TMEM266: variants seen among roughly 807,000 people sequenced by gnomAD.
TMEM266 encodes the protein Hv1 related protein 1.
A neutral mutation model predicts 50.5 loss-of-function variants in TMEM266; 33 were observed. That is an observed-to-expected ratio of 0.65 (90% CI 0.50 to 0.87). The LOEUF (loss-of-function observed/expected upper bound fraction) is 0.87. TMEM266 is among the 40% of genes least tolerant of loss of function. The probability of loss-of-function intolerance (pLI) is 0.00; values close to 1 mark genes in which losing one functional copy is unlikely to be tolerated. For missense variants in TMEM266, 655 were observed against 695.1 expected, an observed-to-expected ratio of 0.94 and a Z score of 0.65; for synonymous variants, 310 against 292.3, an observed-to-expected ratio of 1.06 and a Z score of -0.62.
At chr15:76,177,510 T>A (rs2142067108) in intron 8 of TMEM266, among the ~76,000 whole-genome samples, 1 of 152,376 alleles carries the variant, frequency 6.6e-6, no homozygotes, top group East Asian at 1.9e-4. Context: ...CCCCTCGGAA[T>A]GTCTGTCAGG....
Position 76,132,813 on chromosome 15 carries a change from AATTATT to A in TMEM266, c.-96-1323_-96-1318del, listed in dbSNP as rs58869632. 2.1e-3 allele frequency among the ~76,000 whole-genome samples: 287 copies of A among 135,012 alleles called. 2 individuals are homozygous for A. The highest frequency in any genetic ancestry group is 4.9e-3 in the African/African-American group (179 of 36,686). 88.6% of individuals were successfully genotyped at this position (135,012 alleles called of 152,430 possible). On this transcript the variant is annotated intron_variant, in intron 1 of 10. Transcript: ENST00000388942. Reference sequence around the variant, plus strand: ...CTGTCTCTCAAATAATAATAATAGTAATTATTATTATTATTATTATTATTATTATTA... The same window carrying A: ...CTGTCTCTCAAATAATAATAATAGTAATTATTATTATTATTATTATTATTA...
intron 1 of TMEM266, among the ~76,000 whole-genome samples, chr15:76,125,876 G>C (rs1356338166): frequency 6.6e-6 from 1 of 151,238 alleles, no homozygotes; most frequent in African/African-American, 2.4e-5. Flanking sequence ...GCAGTGGGGG[G>C]GATGGGGATG....
chr15:76,063,294 G>A (rs531021783), intron 1 of TMEM266, among the ~76,000 whole-genome samples: 1 of 152,206 alleles, frequency 6.6e-6, no homozygotes, highest in East Asian at 1.9e-4. Context: ...ATGACCTAAG[G>A]GGCAGAGCCA....
Position 76,204,162 on chromosome 15 carries a change from G to GGTAA in TMEM266, c.1446_1449dup (p.Leu484LysfsTer48). 3 of 1,613,658 alleles carry GGTAA rather than the reference G, an allele frequency of 1.9e-6. No homozygotes were observed. The highest frequency in any genetic ancestry group is 8.5e-7 in the Non-Finnish European group (1 of 1,179,998). On this transcript the variant is annotated frameshift_variant, in exon 11 of 11. Coordinates refer to ENST00000388942, the MANE Select transcript of TMEM266 (RefSeq NM_152335.3). LOFTEE classifies it high-confidence loss of function. ...AAACCAGCCCCGAGCTGGAACACAG[G>GGTAA]GTAAGTCTGTTCAACCAGAAGAACC...
At chr15:76,170,062 CT>C (rs1193718080) in intron 6 of TMEM266, among the ~76,000 whole-genome samples, 190 bp downstream of exon 6, 1 of 152,112 alleles carries the variant, frequency 6.6e-6, no homozygotes, top group Non-Finnish European at 1.5e-5. Context: ...AAGGAATGTT[CT>C]GAAACATTCA....
At chr15:76,135,965 TAG>T (rs1179094405) in intron 2 of TMEM266, among the ~76,000 whole-genome samples, 1 of 151,206 alleles carries the variant, frequency 6.6e-6, no homozygotes, top group Non-Finnish European at 1.5e-5. Context: ...TCTTTTGAGA[TAG>T]AGTTTCACTC....
intron 1 of TMEM266, among the ~76,000 whole-genome samples, chr15:76,081,282 C>T (rs954399282): frequency 6.6e-6 from 1 of 152,226 alleles, no homozygotes; most frequent in Non-Finnish European, 1.5e-5. Flanking sequence ...CTGTGATGCA[C>T]TCTGGTATTC....
intron 1 of TMEM266, among the ~76,000 whole-genome samples, chr15:76,124,412 G>C (rs559900570): frequency 6.6e-6 from 1 of 152,092 alleles, no homozygotes; most frequent in Non-Finnish European, 1.5e-5. Flanking sequence ...TAAGTAGAAC[G>C]ATATCCTATG....
chr15:76,133,823 C>T (rs917934053), intron 1 of TMEM266, among the ~76,000 whole-genome samples: 1 of 152,200 alleles, frequency 6.6e-6, no homozygotes, highest in East Asian at 1.9e-4. Context: ...TATTTTGAAG[C>T]CTCTCAAAGC....
intron 1 of TMEM266, among the ~76,000 whole-genome samples, chr15:76,107,034 G>A (rs1180605291): frequency 1.3e-5 from 2 of 152,182 alleles, no homozygotes; most frequent in African/African-American, 4.8e-5. Context: ...AGTAGAGTAT[G>A]CTTTTGTTTC....
chr15:76,065,860 G>A (rs1171421613), intron 1 of TMEM266, among the ~76,000 whole-genome samples: 1 of 152,058 alleles, frequency 6.6e-6, no homozygotes, highest in Non-Finnish European at 1.5e-5. Flanking sequence ...TCCCCAGTGT[G>A]CGTCCACTTC....
At chr15:76,137,619 A>G in intron 2 of TMEM266, 88 bp from the exon 3 acceptor site, 1 of 1,325,092 alleles carries the variant, frequency 7.5e-7, no homozygotes, top group Non-Finnish European at 1.1e-6. Context: ...CTGGCATAGC[A>G]GCATTCTCCC....
intron 1 of TMEM266, among the ~76,000 whole-genome samples, chr15:76,102,573 T>C (rs1266480872): frequency 6.6e-6 from 1 of 152,096 alleles, no homozygotes; most frequent in African/African-American, 2.4e-5. Flanking sequence ...GTGCGGTGGC[T>C]CATGCCTGTA....
Position 76,170,984 on chromosome 15 carries a change from C to T in TMEM266, c.514-9C>T. ...GGCCCAGGGCACTGAAATGGGCCTCCTCTCACAGGTGTTTGACGGGGCTGT... is the reference window on the plus strand; with the variant it reads ...GGCCCAGGGCACTGAAATGGGCCTCTTCTCACAGGTGTTTGACGGGGCTGT... On this transcript the variant is annotated splice_polypyrimidine_tract_variant and intron_variant, in intron 6 of 10. Coordinates refer to ENST00000388942, the MANE Select transcript of TMEM266 (RefSeq NM_152335.3). 3 of 1,610,050 alleles carry T rather than the reference C, an allele frequency of 1.9e-6. No individual in the cohort carries two copies. Among genetic ancestry groups the T allele is most frequent in the Non-Finnish European group, 2.5e-6 (3 of 1,178,282 alleles).
At chr15:76,067,839 A>G (rs1036274427) in intron 1 of TMEM266, among the ~76,000 whole-genome samples, 1 of 152,034 alleles carries the variant, frequency 6.6e-6, no homozygotes, top group African/African-American at 2.4e-5. Context: ...AAGTATATCA[A>G]ACCAAAAATA....
intron 1 of TMEM266, among the ~76,000 whole-genome samples, chr15:76,078,070 C>A (rs981270724): frequency 6.6e-6 from 1 of 152,012 alleles, no homozygotes; most frequent in South Asian, 2.1e-4. Flanking sequence ...GGTAGTGGGG[C>A]AGTTGACCTG....
intron 9 of TMEM266, among the ~76,000 whole-genome samples, chr15:76,199,292 A>G (rs897432719): frequency 2.4e-4 from 37 of 152,346 alleles, no homozygotes; most frequent in African/African-American, 8.7e-4. Context: ...ACGGTCGGCC[A>G]GACCAGTCCG....
Position 76,156,544 on chromosome 15 carries a change from G to T in TMEM266, c.228-60G>T, listed in dbSNP as rs923264676. The T allele has an allele frequency of 5.1e-6, 8 of 1,577,260 alleles. No individual in the cohort carries two copies. In the African/African-American group the frequency reaches 6.8e-5, roughly 13 times the overall value. On this transcript the variant is annotated intron_variant, in intron 3 of 10. Coordinates refer to ENST00000388942, the MANE Select transcript of TMEM266 (RefSeq NM_152335.3). ...GTTTGAGAGCAGGGCTTTGGCCGGG[G>T]TCCACCCTCTTGTCCCCTCCCACTC...
chr15:76,060,617 G>A (rs576854795), intron 1 of TMEM266, among the ~76,000 whole-genome samples: 1 of 152,322 alleles, frequency 6.6e-6, no homozygotes, highest in South Asian at 2.1e-4. Flanking sequence ...GCTAGGGCAG[G>A]CAGTTCCCTG....
Sources: gnomAD v4.1 joint callset for allele counts (sites outside exome capture counted in the v4.1 genomes callset) on GRCh38, gnomAD v4.1.1 for gene constraint, MANE v1.5 for transcripts, NCBI Gene and HGNC (gene_info 2026-07-23, HGNC 2026-07-21) for gene names.